C11orf71: variants seen among roughly 807,000 people sequenced by gnomAD.
The protein encoded by C11orf71 is chromosome 11 open reading frame 71.
For synonymous variants in C11orf71, 72 were observed against 73.4 expected, an observed-to-expected ratio of 0.98 and a Z score of 0.09; for missense variants, 179 against 167.6, an observed-to-expected ratio of 1.07 and a Z score of -0.38.
downstream of C11orf71, among the ~76,000 whole-genome samples, chr11:114,394,242 C>CT (rs768188409): frequency 5.1e-5 from 3 of 58,756 alleles, no homozygotes; most frequent in African/African-American, 1.7e-4. Context: ...CTTTTCTTTT[C>CT]TTTTCTTTTC....
downstream of C11orf71, among the ~76,000 whole-genome samples, chr11:114,397,323 G>A (rs1012938985): frequency 2.6e-5 from 4 of 152,024 alleles, no homozygotes; most frequent in African/African-American, 9.7e-5. Flanking sequence ...TAATAATATG[G>A]TCTGCTCTTG....
downstream of C11orf71, among the ~76,000 whole-genome samples, chr11:114,394,233 T>TTTTCTTTTCTTTTCTTTTCTTTTCTTTTC (rs1946103740): frequency 2.6e-5 from 1 of 37,738 alleles, no homozygotes; most frequent in African/African-American, 2.2e-4. Context: ...CTTTTCTTTC[T>TTTTCTTTTCTTTTCTTTTCTTTTCTTTTC]TTTCTTTTCT....
Position 114,400,323 on chromosome 11 carries a change from C to T in C11orf71, c.9G>A (p.Leu3=). The change falls in exon 1 of 1, where the codon CTG becomes CTA. Residue 3 remains leucine, a synonymous_variant. Transcript: ENST00000623205. ...CACCGGAGGACAGGGACACATTGTT[C>T]AGGGCCATATTCAAACACTGCCCGC... The part of the protein sequence containing the change: MA[L]NNVSLSSGDQ... 1.9e-6 allele frequency: 3 copies of T among 1,605,538 alleles called. No homozygotes were observed. The highest frequency in any genetic ancestry group is 2.2e-5 in the South Asian group (2 of 89,932).
In C11orf71 at chr11:114,399,826, T is replaced by G; in HGVS notation, c.*134A>C. Reference sequence around the variant, plus strand: ...ACACTTCCCTTAGTGCTAGGACATATTCATATAACTCCCACGTATTAAATG... The same window carrying G: ...ACACTTCCCTTAGTGCTAGGACATAGTCATATAACTCCCACGTATTAAATG... On this transcript the variant is annotated 3_prime_UTR_variant, in exon 1 of 1. Transcript: ENST00000623205. 2.4e-6 allele frequency: 3 copies of G among 1,253,802 alleles called. No homozygotes were observed. The highest frequency in any genetic ancestry group is 3.2e-6 in the Non-Finnish European group (3 of 934,826). 77.7% of individuals were successfully genotyped at this position (1,253,802 alleles called of 1,614,324 possible).
At chr11:114,392,548 A>AAAAAAAAAAAAAAAAAAAAG (rs1461395379) in intron 1 of C11orf71, among the ~76,000 whole-genome samples, 1 of 124,852 alleles carries the variant, frequency 8.0e-6, no homozygotes, top group African/African-American at 2.9e-5. Context: ...AAAAAAAAAA[A>AAAAAAAAAAAAAAAAAAAAG]AAGAAGAAGA....
At position 114,399,974 on chromosome 11, in the gene C11orf71, G is replaced by T; in HGVS notation, c.358C>A (p.Arg120=). 6.3e-7 allele frequency: 1 copy of T among 1,597,160 alleles called. No homozygotes were observed. The highest frequency in any genetic ancestry group is 8.6e-7 in the Non-Finnish European group (1 of 1,166,966). Reference sequence around the variant, plus strand: ...AAGGTGTTCGTTTAAACTGAAATTCGAGCTGCGATAACACCTCCTAATGCA... The same window carrying T: ...AAGGTGTTCGTTTAAACTGAAATTCTAGCTGCGATAACACCTCCTAATGCA... ...LIALGGVIAA[R]ISV Residue 120 remains arginine, a synonymous_variant, in exon 1 of 1, where the codon CGA becomes AGA. Transcript: ENST00000623205.
At chr11:114,391,683 G>C in intron 1 of C11orf71, 1 of 1,215,658 alleles carries the variant, frequency 8.2e-7, no homozygotes. Flanking sequence ...ACACAAAATG[G>C]ATGAGTATAA....
chr11:114,392,282 A>G (rs1946078622), intron 1 of C11orf71, among the ~76,000 whole-genome samples: 1 of 152,062 alleles, frequency 6.6e-6, no homozygotes, highest in African/African-American at 2.4e-5. Context: ...TTATGCCTGT[A>G]ATCGCAACAC....
chr11:114,397,564 T>G (rs1946138793), downstream of C11orf71, among the ~76,000 whole-genome samples: 1 of 152,216 alleles, frequency 6.6e-6, no homozygotes, highest in Non-Finnish European at 1.5e-5. Flanking sequence ...ACCATTTTCT[T>G]GTTTACTGCA....
chr11:114,396,454 T>C (rs1946131971), downstream of C11orf71, among the ~76,000 whole-genome samples: 1 of 152,220 alleles, frequency 6.6e-6, no homozygotes, highest in Non-Finnish European at 1.5e-5. Flanking sequence ...AAAGTATTAG[T>C]TATGTGATCA....
chr11:114,393,330 C>T (rs1262597523), intron 1 of C11orf71, among the ~76,000 whole-genome samples: 3 of 152,154 alleles, frequency 2.0e-5, no homozygotes, highest in East Asian at 1.9e-4. Context: ...GTCTTTTAGA[C>T]CTGGACATAA....
rs1364432299 is a variant in C11orf71, at chr11:114,400,371, G to C, written c.-40C>G. On this transcript the variant is annotated 5_prime_UTR_variant, in exon 1 of 1. Coordinates refer to ENST00000623205, the MANE Select transcript of C11orf71 (RefSeq NM_001271562.2). ...CGCAGTACTTGCGTTACGTCCCTTTGTGAAGGCAGGCCCTTCGCGGCTCCC... is the reference window on the plus strand; with the variant it reads ...CGCAGTACTTGCGTTACGTCCCTTTCTGAAGGCAGGCCCTTCGCGGCTCCC... 2 of 1,552,858 alleles carry C rather than the reference G, an allele frequency of 1.3e-6. No individual in the cohort carries two copies. Among genetic ancestry groups the C allele is most frequent in the Admixed American group, 3.8e-5 (2 of 53,326 alleles).
At chr11:114,394,194 T>TTTTC (rs1333095737), downstream of C11orf71, among the ~76,000 whole-genome samples, 5 of 45,312 alleles carry the variant, frequency 1.1e-4, no homozygotes, top group Admixed American at 2.5e-4. Flanking sequence ...TTTTCTTTTC[T>TTTTC]TTTCTTTTCT....
downstream of C11orf71, among the ~76,000 whole-genome samples, chr11:114,395,917 GAA>G (rs1283176471): frequency 2.0e-5 from 3 of 152,192 alleles, no homozygotes; most frequent in Non-Finnish European, 4.4e-5. Context: ...TGTTTGTTTA[GAA>G]AGAGTCTCCC....
At chr11:114,396,831 T>C (rs1330954560), downstream of C11orf71, among the ~76,000 whole-genome samples, 6 of 152,232 alleles carry the variant, frequency 3.9e-5, no homozygotes, top group Non-Finnish European at 7.3e-5. Flanking sequence ...GGAAAGAAAG[T>C]TGAACCTTAC....
Position 114,400,499 on chromosome 11 carries a change from T to C in C11orf71, c.-168A>G, listed in dbSNP as rs1946180265. 28 of 1,277,382 alleles carry C rather than the reference T, an allele frequency of 2.2e-5. No individual in the cohort carries two copies. In the South Asian group the frequency reaches 4.1e-4, roughly 19 times the overall value. 79.1% of individuals were successfully genotyped at this position (1,277,382 alleles called of 1,614,324 possible). A position where few individuals can be genotyped will look rare whatever the true frequency, so the allele number is the denominator to read the frequency against. On this transcript the variant is annotated 5_prime_UTR_variant, in exon 1 of 1. Transcript: ENST00000623205. Reference sequence around the variant, plus strand: ...GCCGCCTTGCCTTTAACGAGGGGTATCCTGGCGAGCATGCGCAGACCGTCC... The same window carrying C: ...GCCGCCTTGCCTTTAACGAGGGGTACCCTGGCGAGCATGCGCAGACCGTCC...
At position 114,400,125 on chromosome 11, in the gene C11orf71, A is replaced by C. The variant is rs1339958894; in HGVS notation, c.207T>G (p.Asp69Glu). 4 of 1,613,722 alleles carry C rather than the reference A, an allele frequency of 2.5e-6. No homozygotes were observed. The highest frequency in any genetic ancestry group is 1.1e-5 in the South Asian group (1 of 91,082). Reference sequence around the variant, plus strand: ...GTTCCCTTGGGCTCCGGCCGCCACCATCCACTCGACGGCTCTCGGCCCGAA... The same window carrying C: ...GTTCCCTTGGGCTCCGGCCGCCACCCTCCACTCGACGGCTCTCGGCCCGAA... ...PSVRAESRRV[D>E]GGGRSPREPD... The change falls in exon 1 of 1, where the codon GAT becomes GAG. Residue 69 changes from aspartate (D) to glutamate (E), a missense_variant. Physicochemically the swap from Asp to Glu is conservative, Grantham distance 45 (BLOSUM62 2). Transcript: ENST00000623205.
rs1461738036 is a variant in C11orf71, at chr11:114,393,074, A to G, written c.344-1409T>C. Reference sequence around the variant, plus strand: ...TTACTGAACTGTGAACGGGTTCAGCAATTAGCTTTTGCTGCAGACTTATGT... The same window carrying G: ...TTACTGAACTGTGAACGGGTTCAGCGATTAGCTTTTGCTGCAGACTTATGT... On this transcript the variant is annotated intron_variant, in intron 1 of 1. Transcript: ENST00000325636. Among the ~76,000 whole-genome samples the G allele has an allele frequency of 3.3e-5, 5 of 152,244 alleles. No homozygotes were observed. In the East Asian group the frequency reaches 5.8e-4, roughly 18 times the overall value.
At chr11:114,398,213 A>G (rs928716521), downstream of C11orf71, among the ~76,000 whole-genome samples, 9 of 152,172 alleles carry the variant, frequency 5.9e-5, no homozygotes, top group Non-Finnish European at 1.5e-5. Flanking sequence ...TTCCTTTCTC[A>G]ACCACGGGTT....
Sources: gnomAD v4.1 joint callset for allele counts (sites outside exome capture counted in the v4.1 genomes callset) on GRCh38, gnomAD v4.1.1 for gene constraint, MANE v1.5 for transcripts, NCBI Gene and HGNC (gene_info 2026-07-23, HGNC 2026-07-21) for gene names.